The following FABP6 variants were observed in gnomAD, a reference collection of about 807,000 sequenced individuals.
FABP6 encodes fatty acid binding protein 6.
In FABP6, 13 loss-of-function variants were observed where a neutral mutation model predicts 14.9. That is an observed-to-expected ratio of 0.87 (90% confidence interval 0.57 to 1.39). The LOEUF (loss-of-function observed/expected upper bound fraction) is 1.39. Ranked by LOEUF, FABP6 falls within the 40% of genes most tolerant of loss-of-function variation. FABP6 has a pLI of 0.00. For synonymous variants in FABP6, 75 were observed against 63.6 expected, an observed-to-expected ratio of 1.18 and a Z score of -0.85; for missense variants, 161 against 167.2, an observed-to-expected ratio of 0.96 and a Z score of 0.20.
upstream of FABP6, among the ~76,000 whole-genome samples, chr5:160,227,467 C>T (rs902203420): frequency 5.5e-5 from 8 of 145,092 alleles, no homozygotes; most frequent in African/African-American, 2.1e-4. Context: ...CGGAGGTTGC[C>T]GTGAGCCAAG....
At chr5:160,212,799 TAG>T (rs1454571450) in intron 2 of FABP6, among the ~76,000 whole-genome samples, 1 of 152,140 alleles carries the variant, frequency 6.6e-6, no homozygotes, top group Non-Finnish European at 1.5e-5. Context: ...ATATTTTTGG[TAG>T]AGACAGGGTT....
At chr5:160,201,312 C>T (rs965754222) in intron 2 of FABP6, among the ~76,000 whole-genome samples, 1 of 151,374 alleles carries the variant, frequency 6.6e-6, no homozygotes, top group African/African-American at 2.4e-5. Context: ...GAGTCAAGAT[C>T]GCGACACTGC....
upstream of FABP6, among the ~76,000 whole-genome samples, chr5:160,225,026 G>A (rs12153354): frequency 0.29 from 42,731 of 149,930 alleles, 6,371 homozygotes; most frequent in Middle Eastern, 0.36. Flanking sequence ...GTGATCCGCC[G>A]GCCTTGGCTT....
chr5:160,236,989 A>G (rs1002476294), intron 3 of FABP6, among the ~76,000 whole-genome samples: 1 of 152,118 alleles, frequency 6.6e-6, no homozygotes, highest in Non-Finnish European at 1.5e-5. Flanking sequence ...AAAAAAAATA[A>G]TAATAATAAT....
At chr5:160,226,402 A>C (rs959192838), upstream of FABP6, among the ~76,000 whole-genome samples, 1 of 151,546 alleles carries the variant, frequency 6.6e-6, no homozygotes, top group African/African-American at 2.4e-5. Context: ...TCTACTAAAG[A>C]TACAGAAAAT....
chr5:160,197,066 A>G (rs1207286922), intron 1 of FABP6: 1 of 152,236 alleles, frequency 6.6e-6, no homozygotes, highest in African/African-American at 2.4e-5. Flanking sequence ...CCTTACCTCA[A>G]CAGGCCCCAC....
rs1257595337 is a variant in FABP6 at position 160,209,091 on chromosome 5, T to TA, written c.52-4635dup. On this transcript the variant is annotated intron_variant, in intron 2 of 6. Coordinates refer to the FABP6 transcript ENST00000393980. ...GCACCCAGCAGGGAGACCCCATTTC[T>TA]AAAAAAAAAAGAATTAGTCAAGTGT... Among the ~76,000 whole-genome samples, 740 of 148,128 alleles carry TA rather than the reference T, an allele frequency of 5.0e-3. 7 individuals carry two copies. Among genetic ancestry groups the TA allele is most frequent in the African/African-American group, 0.017 (700 of 40,480 alleles).
exon 1 of FABP6, chr5:160,187,422 A>T (rs1759309032): frequency 6.6e-6 from 1 of 152,416 alleles, no homozygotes; most frequent in Non-Finnish European, 1.5e-5. Context: ...AGGGTCCTGG[A>T]GGAAGGCAGC....
intron 2 of FABP6, among the ~76,000 whole-genome samples, chr5:160,204,435 G>A (rs1335740533): frequency 6.6e-6 from 1 of 152,138 alleles, no homozygotes; most frequent in Non-Finnish European, 1.5e-5. Flanking sequence ...AACGTGCTCA[G>A]CCCATGTCTT....
intron 2 of FABP6, among the ~76,000 whole-genome samples, chr5:160,205,574 A>G (rs1415252420): frequency 1.3e-5 from 2 of 152,146 alleles, no homozygotes; most frequent in Non-Finnish European, 2.9e-5. Context: ...GTCTAAGCCA[A>G]CCCTGGTGGT....
intron 2 of FABP6, among the ~76,000 whole-genome samples, chr5:160,202,632 T>G (rs1010429676): frequency 6.6e-6 from 1 of 151,664 alleles, no homozygotes; most frequent in African/African-American, 2.4e-5. Context: ...CCGTCTCTAC[T>G]AAAAATACAA....
In FABP6 at chr5:160,193,632, G is replaced by A. The variant is rs531342949; in HGVS notation, c.-58-5417G>A. ...TTAGATACAGAGTATCCACACAAAG[G>A]TTCTCCAAGGCCCCACCAGAGCAGC... On this transcript the variant is annotated intron_variant, in intron 1 of 6. Coordinates refer to the FABP6 transcript ENST00000393980. 3.7e-4 allele frequency among the ~76,000 whole-genome samples: 57 copies of A among 152,244 alleles called. No individual in the cohort carries two copies. In the South Asian group the frequency reaches 0.011, roughly 30 times the overall value.
intron 1 of FABP6, among the ~76,000 whole-genome samples, chr5:160,194,092 C>G (rs1425955586): frequency 6.6e-6 from 1 of 152,190 alleles, no homozygotes; most frequent in African/African-American, 2.4e-5. Context: ...GCCGGTGGGC[C>G]GGCACTGCTG....
intron 3 of FABP6, among the ~76,000 whole-genome samples, chr5:160,217,375 G>A (rs575810449): frequency 6.6e-5 from 10 of 152,272 alleles, no homozygotes; most frequent in Non-Finnish European, 1.3e-4. Flanking sequence ...AATCACCAAG[G>A]GAATGAGGGC....
rs1015944879 is a variant in FABP6, at chr5:160,191,294, C to G, written c.-59+3840C>G. 3.9e-5 allele frequency among the ~76,000 whole-genome samples: 6 copies of G among 151,916 alleles called. No homozygotes were observed. The East Asian group carries it at 9.7e-4, about 25-fold the overall frequency. ...CAGCCTGGCCAACATGGTGACACCC[C>G]GTCTTTACTAAAAATACAAAAAATT... On this transcript the variant is annotated intron_variant, in intron 1 of 6. Transcript: ENST00000393980.
At chr5:160,213,625 A>G (rs1274038032) in intron 2 of FABP6, 3 of 863,460 alleles carry the variant, frequency 3.5e-6, no homozygotes, top group African/African-American at 3.3e-5. Context: ...CATTGCTTGC[A>G]ATTAAGAGCG....
chr5:160,201,593 G>A (rs975820431), intron 2 of FABP6, among the ~76,000 whole-genome samples: 3 of 152,032 alleles, frequency 2.0e-5, no homozygotes, highest in Non-Finnish European at 4.4e-5. Flanking sequence ...AAAATAATAA[G>A]TAAAGTCAGA....
intron 2 of FABP6, among the ~76,000 whole-genome samples, chr5:160,204,985 C>A (rs190029636): frequency 2.3e-4 from 35 of 151,602 alleles, no homozygotes; most frequent in African/African-American, 8.3e-4. Context: ...AGAAAGGGGG[C>A]GTAACAGCTA....
intron 1 of FABP6, among the ~76,000 whole-genome samples, chr5:160,229,835 T>A (rs1242835666): frequency 5.5e-5 from 1 of 18,126 alleles, no homozygotes; most frequent in Non-Finnish European, 1.0e-4. Flanking sequence ...TATTTTATTT[T>A]ATTTTATTTT....
Sources: gnomAD v4.1 joint callset for allele counts (sites outside exome capture counted in the v4.1 genomes callset) on GRCh38, gnomAD v4.1.1 for gene constraint, MANE v1.5 for transcripts, NCBI Gene and HGNC (gene_info 2026-07-23, HGNC 2026-07-21) for gene names.